STK32C: variants seen among roughly 807,000 people sequenced by gnomAD.
The protein encoded by STK32C is serine/threonine-protein kinase 32C.
STK32C carries 31 observed loss-of-function variants against 56.5 expected under a neutral mutation model. That is an observed-to-expected ratio of 0.55 (90% CI 0.41 to 0.74). The LOEUF (loss-of-function observed/expected upper bound fraction) is 0.74. STK32C is among the 30% of genes least tolerant of loss of function. STK32C has a pLI of 0.00. For missense variants in STK32C, 544 were observed against 676.9 expected (o/e 0.80, Z 2.18); for synonymous variants, 309 against 289.4 (o/e 1.07, Z -0.69).
In STK32C at chr10:132,307,127, C is replaced by T. The variant is rs2138407408; in HGVS notation, c.262+445G>A. On this transcript the variant is annotated intron_variant, in intron 1 of 11. Coordinates refer to ENST00000298630, the MANE Select transcript of STK32C (RefSeq NM_173575.4). This position sits in a 1 kb window ranked among gnomAD's most constrained non-coding sequence, Gnocchi z 4.4. Reference sequence around the variant, plus strand: ...CGCGGTCACCAAGGAGACTGAGCCTCTGAGCGGCCGGGCCCCGCCACCTGT... The same window carrying T: ...CGCGGTCACCAAGGAGACTGAGCCTTTGAGCGGCCGGGCCCCGCCACCTGT... 6.5e-6 allele frequency: 1 copy of T among 153,742 alleles called. No homozygotes were observed. Among genetic ancestry groups the T allele is most frequent in the East Asian group, 1.9e-4 (1 of 5,214 alleles). The allele number at this position is 153,742 out of a possible 1,614,324, so 9.5% of individuals were successfully genotyped here.
At chr10:132,209,162 C>A (rs1033816467) in intron 10 of STK32C, 61 bp from the exon 11 acceptor site, 339 of 1,494,626 alleles carry the variant, frequency 2.3e-4, no homozygotes, top group Non-Finnish European at 2.8e-4. Flanking sequence ...CCCATGTCCC[C>A]TCAAGTGAGT....
intron 1 of STK32C, among the ~76,000 whole-genome samples, chr10:132,289,550 T>C (rs897790910): frequency 3.3e-5 from 5 of 152,222 alleles, no homozygotes; most frequent in Non-Finnish European, 5.9e-5. Context: ...CTATAACAGA[T>C]TGCCATAGAC....
intron 1 of STK32C, among the ~76,000 whole-genome samples, chr10:132,329,198 T>G (rs1452759653): frequency 6.6e-6 from 1 of 152,238 alleles, no homozygotes; most frequent in African/African-American, 2.4e-5. Flanking sequence ...GTGGATGGCT[T>G]GAGCTCAGGA....
At chr10:132,280,027 A>T (rs1473108757) in intron 1 of STK32C, among the ~76,000 whole-genome samples, 2 of 130,464 alleles carry the variant, frequency 1.5e-5, no homozygotes, top group Admixed American at 1.6e-4. Context: ...GCACTCCATG[A>T]TCAGGACACT....
chr10:132,331,118 T>A (rs1402916450), intron 1 of STK32C, among the ~76,000 whole-genome samples: 1 of 145,792 alleles, frequency 6.9e-6, no homozygotes, highest in Non-Finnish European at 1.5e-5. Context: ...GGAGAATTGC[T>A]TGAACCTGGG....
intron 1 of STK32C, among the ~76,000 whole-genome samples, chr10:132,279,981 CGTGACCACGCCCCTGCACTCT>C (rs1209414026): frequency 3.6e-4 from 49 of 135,828 alleles, no homozygotes; most frequent in Non-Finnish European, 6.3e-4. Flanking sequence ...CCCTGCACCC[CGTGACCACGCCCCTGCACTCT>C]GTGACCACGC....
chr10:132,225,406 C>T, intron 6 of STK32C, 70 bp from the exon 7 acceptor site: 1 of 1,581,668 alleles, frequency 6.3e-7, no homozygotes, highest in Non-Finnish European at 8.6e-7. Flanking sequence ...ACAGGGCCGG[C>T]ACCTTGAGGC....
In STK32C at chr10:132,307,910, G is replaced by T. The variant is rs961512254; in HGVS notation, c.-77C>A. 7 of 1,102,236 alleles carry T rather than the reference G, an allele frequency of 6.4e-6. No homozygotes were observed. The African/African-American group carries it at 8.6e-5, about 14-fold the overall frequency. The allele number at this position is 1,102,236 out of a possible 1,614,324, so 68.3% of individuals were successfully genotyped here. ...CAGGGCCGGGAGCGGCAGTGGTAGC[G>T]GGAGCGCTCGGGGCCGGCAGCGCCC... On this transcript the variant is annotated 5_prime_UTR_variant, in exon 1 of 12. Transcript: ENST00000298630. The surrounding 1 kb of genome is among the most constrained non-coding windows in gnomAD (Gnocchi z 4.4).
chr10:132,233,965 G>A (rs1458643305), intron 2 of STK32C, among the ~76,000 whole-genome samples: 2 of 152,192 alleles, frequency 1.3e-5, no homozygotes, highest in Non-Finnish European at 2.9e-5. Context: ...CTGAGTCCTC[G>A]CCACTGTGGA....
chr10:132,278,034 T>A (rs1393615149), intron 1 of STK32C, among the ~76,000 whole-genome samples: 2 of 151,988 alleles, frequency 1.3e-5, no homozygotes, highest in African/African-American at 2.4e-5. Flanking sequence ...CAGGGAGAGG[T>A]GGGGGTGGTC....
intron 1 of STK32C, among the ~76,000 whole-genome samples, chr10:132,305,434 G>A (rs1429421561): frequency 2.6e-5 from 4 of 152,100 alleles, no homozygotes; most frequent in African/African-American, 9.7e-5. Context: ...TATTAATTAG[G>A]TGTTTTAATC....
intron 1 of STK32C, among the ~76,000 whole-genome samples, chr10:132,278,345 C>T (rs1438856127): frequency 1.3e-5 from 2 of 152,148 alleles, no homozygotes; most frequent in African/African-American, 2.4e-5. Context: ...GCAAGAGAGG[C>T]CTCTCCAAGG....
chr10:132,275,120 G>A (rs2138185800), intron 1 of STK32C, among the ~76,000 whole-genome samples: 2 of 152,326 alleles, frequency 1.3e-5, no homozygotes, highest in Middle Eastern at 3.4e-3. Flanking sequence ...AGCAGGTACT[G>A]TCCCTGGTGC....
At chr10:132,221,828 T>TGC (rs2062674559) in intron 10 of STK32C, among the ~76,000 whole-genome samples, 1 of 101,866 alleles carries the variant, frequency 9.8e-6, no homozygotes, top group African/African-American at 3.9e-5. Context: ...ACAACTGACA[T>TGC]CAACGCACCT....
intron 1 of STK32C, among the ~76,000 whole-genome samples, chr10:132,314,593 A>C (rs2066280599): frequency 6.6e-6 from 1 of 152,262 alleles, no homozygotes; most frequent in African/African-American, 2.4e-5. Flanking sequence ...TAATATGTAT[A>C]TGCTGATTCT....
chr10:132,281,575 A>G (rs2065206823), intron 1 of STK32C, among the ~76,000 whole-genome samples: 1 of 152,204 alleles, frequency 6.6e-6, no homozygotes, highest in Non-Finnish European at 1.5e-5. Flanking sequence ...TAGCCCAAAG[A>G]GTATGTTCAT....
chr10:132,303,899 G>A (rs1243407222), intron 1 of STK32C, among the ~76,000 whole-genome samples: 3 of 152,180 alleles, frequency 2.0e-5, no homozygotes, highest in African/African-American at 7.2e-5. Flanking sequence ...CTCCCCTGCA[G>A]GTGCCTCCCG....
chr10:132,270,758 G>A (rs927325464), intron 1 of STK32C, among the ~76,000 whole-genome samples: 3 of 152,130 alleles, frequency 2.0e-5, no homozygotes, highest in Admixed American at 6.5e-5. Flanking sequence ...GAACCACAGC[G>A]AGCCCTGCAC....
intron 1 of STK32C, among the ~76,000 whole-genome samples, chr10:132,288,341 TTGA>T (rs1446922782): frequency 3.9e-5 from 6 of 152,176 alleles, no homozygotes; most frequent in African/African-American, 1.4e-4. Context: ...AAGGAAGAAA[TTGA>T]TGATATACTG....
Sources: gnomAD v4.1 joint callset for allele counts (sites outside exome capture counted in the v4.1 genomes callset) on GRCh38, gnomAD v4.1.1 for gene constraint, Gnocchi (gnomAD v3.1) non-coding constraint, MANE v1.5 for transcripts, NCBI Gene and HGNC (gene_info 2026-07-23, HGNC 2026-07-21) for gene names.